Variants in ROBO2 observed in about 807,000 individuals in gnomAD.
ROBO2 encodes roundabout guidance receptor 2, also known as roundabout homolog 2.
In ROBO2, 53 loss-of-function variants were observed where a neutral mutation model predicts 160.8. The ratio of observed to expected loss-of-function variants is 0.33; its 90% confidence interval spans 0.26 to 0.41. ROBO2 has a LOEUF of 0.41. Ranked by LOEUF, ROBO2 falls within the 10% of genes least tolerant of loss-of-function variation. ROBO2 has a pLI of 1.00. For missense variants in ROBO2, 1,577 were observed against 1,722.4 expected (o/e 0.92, Z 1.49); for synonymous variants, 664 against 611.7 (o/e 1.09, Z -1.26).
chr3:76,751,362 C>T (rs931740788), intron 2 of ROBO2, among the ~76,000 whole-genome samples: 8 of 152,070 alleles, frequency 5.3e-5, no homozygotes, highest in Non-Finnish European at 1.0e-4. Context: ...AGAAGAAAAC[C>T]TAGGCAATAC....
rs1048288483 is a variant in ROBO2 at position 76,215,169 on chromosome 3, C to T, written c.109+277567C>T. 2.6e-5 allele frequency among the ~76,000 whole-genome samples: 4 copies of T among 152,088 alleles called. 1 individual carries two copies. The highest frequency in any genetic ancestry group is 2.6e-4 in the Admixed American group (4 of 15,266). On this transcript the variant is annotated intron_variant, in intron 2 of 26. Coordinates refer to the ROBO2 transcript ENST00000487694. ...CACCAAAACCCCATCTGTATGTCAC[C>T]ATCATCAAAGACCAAAGGTAGATAA...
rs188397143 is a variant in ROBO2, at chr3:76,022,477, T to C, written c.109+84875T>C. Among the ~76,000 whole-genome samples, 366 of 151,924 alleles carry C rather than the reference T, an allele frequency of 2.4e-3. 1 individual carries two copies. The highest frequency in any genetic ancestry group is 8.6e-3 in the African/African-American group (355 of 41,514). ...GTTCTTATGTAATAAAACTTGAAAGTTGAAATTACTCCTTGATTCAGCGGC... is the reference window on the plus strand; with the variant it reads ...GTTCTTATGTAATAAAACTTGAAAGCTGAAATTACTCCTTGATTCAGCGGC... On this transcript the variant is annotated intron_variant, in intron 2 of 26. Coordinates refer to the ROBO2 transcript ENST00000487694.
chr3:77,374,419 G>T (rs1007665182), intron 2 of ROBO2, among the ~76,000 whole-genome samples: 1 of 152,062 alleles, frequency 6.6e-6, no homozygotes, highest in Admixed American at 6.6e-5. Context: ...CTGTTGACAA[G>T]TAAATAGTTA....
intron 2 of ROBO2, among the ~76,000 whole-genome samples, chr3:76,614,263 C>G (rs1184643172): frequency 6.6e-6 from 1 of 151,882 alleles, no homozygotes; most frequent in East Asian, 1.9e-4. Context: ...GATCTAAATC[C>G]CTGTATCTCA....
chr3:76,797,791 A>G (rs532646059), intron 2 of ROBO2, among the ~76,000 whole-genome samples: 5 of 152,076 alleles, frequency 3.3e-5, no homozygotes, highest in African/African-American at 1.2e-4. Context: ...ACTATGAGAA[A>G]CTATATGGCA....
At chr3:77,533,230 G>T (rs1666157) in intron 6 of ROBO2, among the ~76,000 whole-genome samples, 1 of 151,546 alleles carries the variant, frequency 6.6e-6, no homozygotes, top group African/African-American at 2.4e-5. Flanking sequence ...AAGTTATGAG[G>T]GGTGTGCATT....
At chr3:77,632,440 A>G (rs2095182705) in intron 23 of ROBO2, 2 of 1,482,172 alleles carry the variant, frequency 1.3e-6, no homozygotes, top group Admixed American at 2.1e-5. Context: ...TTTTCAATAT[A>G]TACAACTCAC....
intron 2 of ROBO2, among the ~76,000 whole-genome samples, chr3:76,008,625 G>A (rs2107601039): frequency 6.6e-6 from 1 of 152,224 alleles, no homozygotes; most frequent in Middle Eastern, 3.4e-3. Flanking sequence ...GTTTTAGAAT[G>A]AATTCCTAAT....
chr3:76,985,208 A>G (rs2060305384), intron 2 of ROBO2, among the ~76,000 whole-genome samples: 1 of 152,182 alleles, frequency 6.6e-6, no homozygotes, highest in Non-Finnish European at 1.5e-5. Flanking sequence ...ATTAAACATT[A>G]AAGTGAGCTA....
chr3:76,493,337 TTATATATATATA>T lies in ROBO2; in HGVS notation c.109+555752_109+555763del, dbSNP rs57835432. ...GAACCCAAAACATGTAGACAAAAAA[TTATATATATATA>T]TATATATATATATATAATTGTATAT... On this transcript the variant is annotated intron_variant, in intron 2 of 26. Coordinates refer to the ROBO2 transcript ENST00000487694. 4.6e-4 allele frequency among the ~76,000 whole-genome samples: 48 copies of T among 104,816 alleles called. 1 individual carries two copies. Among genetic ancestry groups the T allele is most frequent in the Middle Eastern group, 9.2e-3 (2 of 218 alleles). The allele number at this position is 104,816 out of a possible 152,430, so 68.8% of individuals were successfully genotyped here.
At chr3:77,594,851 A>G (rs775130943) in intron 17 of ROBO2, among the ~76,000 whole-genome samples, 2 of 152,192 alleles carry the variant, frequency 1.3e-5, no homozygotes, top group East Asian at 1.9e-4. Flanking sequence ...CAATACCACT[A>G]TATATACTAA....
chr3:76,024,090 TTTAA>T (rs1335723320), intron 2 of ROBO2, among the ~76,000 whole-genome samples: 10 of 151,522 alleles, frequency 6.6e-5, no homozygotes, highest in African/African-American at 1.9e-4. Context: ...GAATGTTTTC[TTTAA>T]TTAAACAATG....
chr3:76,991,698 T>C (rs72902053), intron 2 of ROBO2, among the ~76,000 whole-genome samples: 161 of 152,330 alleles, frequency 1.1e-3, no homozygotes, highest in African/African-American at 3.6e-3. Context: ...TATTATGCTT[T>C]TGATGTGTTG....
intron 6 of ROBO2, 63 bp from the exon 7 acceptor site, chr3:77,527,340 A>T: frequency 8.2e-7 from 1 of 1,220,124 alleles, no homozygotes; most frequent in South Asian, 1.3e-5. Flanking sequence ...CATTCTGATA[A>T]TTTTTCTTTC....
intron 2 of ROBO2, among the ~76,000 whole-genome samples, chr3:76,192,384 A>G (rs1702049517): frequency 6.6e-6 from 1 of 151,924 alleles, no homozygotes; most frequent in Admixed American, 6.6e-5. Flanking sequence ...TTTCAAGCTT[A>G]TTCTTGTTGG....
chr3:76,488,887 C>T (rs2079646187), intron 2 of ROBO2, among the ~76,000 whole-genome samples: 1 of 151,908 alleles, frequency 6.6e-6, no homozygotes, highest in African/African-American at 2.4e-5. Flanking sequence ...GTCCTACTAC[C>T]TAGAAGGACG....
At chr3:77,375,295 G>A (rs139850640) in intron 2 of ROBO2, among the ~76,000 whole-genome samples, 4 of 152,302 alleles carry the variant, frequency 2.6e-5, no homozygotes, top group East Asian at 3.9e-4. Flanking sequence ...CCTCTGTTCG[G>A]TTCCCAATGA....
At chr3:75,907,404 T>G (rs1946393640) in intron 1 of ROBO2, among the ~76,000 whole-genome samples, 1 of 151,400 alleles carries the variant, frequency 6.6e-6, no homozygotes, top group Non-Finnish European at 1.5e-5. Flanking sequence ...AGTTTGGGGG[T>G]GGGGGTTGGG....
intron 2 of ROBO2, among the ~76,000 whole-genome samples, chr3:77,321,840 G>C (rs1202730969): frequency 1.3e-5 from 2 of 152,132 alleles, no homozygotes; most frequent in African/African-American, 4.8e-5. Context: ...CAAACTAAGA[G>C]AGTACACCAA....
Sources: allele counts gnomAD v4.1 joint callset (sites outside exome capture counted in the v4.1 genomes callset), GRCh38; gene constraint gnomAD v4.1.1; transcripts MANE v1.5; gene names NCBI Gene and HGNC (gene_info 2026-07-23, HGNC 2026-07-21).